The following ITSN1 variants were observed in gnomAD, a reference collection of about 807,000 sequenced individuals.
ITSN1 encodes intersectin-1.
A neutral mutation model predicts 239.8 loss-of-function variants in ITSN1; 58 were observed. The observed-to-expected ratio is 0.24, with a 90% confidence interval of 0.20 to 0.30. ITSN1 has a LOEUF of 0.30. ITSN1 is among the 10% of genes least tolerant of loss of function. The pLI, the probability that ITSN1 is intolerant of heterozygous loss-of-function variation, is 1.00. For missense variants in ITSN1, 1,558 were observed against 2,103.3 expected (o/e 0.74, Z 5.07); for synonymous variants, 780 against 770.8 (o/e 1.01, Z -0.20).
At chr21:33,711,377 C>A (rs2092410023) in intron 1 of ITSN1, among the ~76,000 whole-genome samples, 1 of 151,392 alleles carries the variant, frequency 6.6e-6, no homozygotes, top group East Asian at 1.9e-4. Flanking sequence ...CATTTTTATT[C>A]ATCCTGCCAT....
At chr21:33,818,178 G>T in intron 22 of ITSN1, 89 bp from the exon 23 acceptor site, 1 of 1,064,244 alleles carries the variant, frequency 9.4e-7, no homozygotes, top group Non-Finnish European at 1.4e-6. Flanking sequence ...TCTGGCCTGT[G>T]CTTGTTGGAG....
intron 1 of ITSN1, among the ~76,000 whole-genome samples, chr21:33,683,295 T>C (rs2091069746): frequency 6.6e-6 from 1 of 152,178 alleles, no homozygotes; most frequent in Non-Finnish European, 1.5e-5. Context: ...AATAAGTTGA[T>C]TTTAGTCCTA....
At chr21:33,756,802 T>A (rs897215905) in intron 8 of ITSN1, 3 of 152,188 alleles carry the variant, frequency 2.0e-5, no homozygotes, top group Non-Finnish European at 4.4e-5. Flanking sequence ...GCTTCACTCT[T>A]GTTGCCCAGG....
rs748255466 is a variant in ITSN1 at position 33,856,886 on chromosome 21, G to A, written c.3783+29G>A. 23 of 1,609,794 alleles carry A rather than the reference G, an allele frequency of 1.4e-5. No individual in the cohort carries two copies. In the African/African-American group the frequency reaches 1.6e-4, roughly 11 times the overall value. ...AGGGAGCTGGTGGGGCAGGGGGCACGGCAGGGGGCGATGACGGAGGGAGAG... is the reference window on the plus strand; with the variant it reads ...AGGGAGCTGGTGGGGCAGGGGGCACAGCAGGGGGCGATGACGGAGGGAGAG... On this transcript the variant is annotated intron_variant, in intron 30 of 39. Coordinates refer to ENST00000381318, the MANE Select transcript of ITSN1 (RefSeq NM_003024.3).
intron 1 of ITSN1, among the ~76,000 whole-genome samples, chr21:33,661,944 C>T (rs1375208224): frequency 1.3e-5 from 2 of 151,906 alleles, no homozygotes; most frequent in African/African-American, 4.8e-5. Flanking sequence ...AACTAATACA[C>T]GTAAGAATTT....
In ITSN1 at chr21:33,772,337, A is replaced by G; in HGVS notation, c.1305+14A>G. ...GAGAGGCGAGAGGTAAGCAGGCGAG[A>G]GTGGAGCCACCCGGAGTTAGTGTGC... On this transcript the variant is annotated intron_variant, in intron 12 of 39. Transcript: ENST00000381318. 1.9e-6 allele frequency: 3 copies of G among 1,550,748 alleles called. No homozygotes were observed. The highest frequency in any genetic ancestry group is 1.7e-6 in the Non-Finnish European group (2 of 1,146,718).
intron 33 of ITSN1, among the ~76,000 whole-genome samples, chr21:33,871,812 G>A (rs1372704359): frequency 6.6e-6 from 1 of 152,148 alleles, no homozygotes; most frequent in Non-Finnish European, 1.5e-5. Flanking sequence ...TGGAATAGCA[G>A]TGAAGAGCAC....
At position 33,896,232 on chromosome 21, in the gene ITSN1, A is replaced by C. The variant is rs908011631; in HGVS notation, c.*7932A>C. ...AGAGGGGGTTGCCGGTGGTGGCAGG[A>C]GCTCTGGGCTCCCAGTTCAGGATGG... On this transcript the variant is annotated 3_prime_UTR_variant, in exon 40 of 40. Transcript: ENST00000381318. The C allele has an allele frequency of 6.6e-6, 1 of 152,390 alleles. No homozygotes were observed. The allele number at this position is 152,390 out of a possible 1,614,324, so 9.4% of individuals were successfully genotyped here. A position where few individuals can be genotyped will look rare whatever the true frequency, so the allele number is the denominator to read the frequency against.
intron 1 of ITSN1, among the ~76,000 whole-genome samples, chr21:33,711,653 T>G (rs1568997424): frequency 1.9e-4 from 2 of 10,804 alleles, no homozygotes; most frequent in African/African-American, 1.2e-3. Context: ...TTCTGTGTGT[T>G]GTGTGTGTGT....
chr21:33,677,458 A>C (rs984975011), intron 1 of ITSN1, among the ~76,000 whole-genome samples: 1 of 151,536 alleles, frequency 6.6e-6, no homozygotes, highest in African/African-American at 2.4e-5. Context: ...TCTTGCCTCA[A>C]CCTCCCGAGT....
intron 27 of ITSN1, among the ~76,000 whole-genome samples, chr21:33,833,577 C>T (rs887078572): frequency 6.6e-6 from 1 of 152,218 alleles, no homozygotes; most frequent in Non-Finnish European, 1.5e-5. Context: ...ATAAAAAGTA[C>T]TCAGTGAGGG....
chr21:33,651,160 C>T (rs1404242798), intron 1 of ITSN1, among the ~76,000 whole-genome samples: 2 of 152,202 alleles, frequency 1.3e-5, no homozygotes, highest in African/African-American at 2.4e-5. Context: ...CCCGAGGGCT[C>T]TGAGCTGGTA....
intron 1 of ITSN1, among the ~76,000 whole-genome samples, chr21:33,699,091 A>AT (rs542116146): frequency 1.8e-4 from 28 of 151,412 alleles, no homozygotes; most frequent in Admixed American, 7.9e-4. Flanking sequence ...ATATCAGATA[A>AT]TTTTTTTTTA....
intron 1 of ITSN1, among the ~76,000 whole-genome samples, chr21:33,648,055 G>A (rs895036817): frequency 6.6e-6 from 1 of 152,048 alleles, no homozygotes; most frequent in Non-Finnish European, 1.5e-5. Context: ...TCTTACCATG[G>A]TATATCAGAC....
chr21:33,782,261 C>A, intron 16 of ITSN1, 128 bp downstream of exon 16: 1 of 901,062 alleles, frequency 1.1e-6, no homozygotes, highest in Non-Finnish European at 1.7e-6. Context: ...CTAAATTGCA[C>A]TTTTCTCCTT....
intron 34 of ITSN1, among the ~76,000 whole-genome samples, chr21:33,878,205 A>AT (rs1157757919): frequency 2.6e-5 from 4 of 151,132 alleles, no homozygotes; most frequent in South Asian, 2.1e-4. Context: ...TAATGATTCT[A>AT]TTTTTTTTGT....
intron 1 of ITSN1, among the ~76,000 whole-genome samples, chr21:33,662,122 C>T (rs1337626571): frequency 6.6e-6 from 1 of 152,180 alleles, no homozygotes; most frequent in Non-Finnish European, 1.5e-5. Context: ...TCTCTTCCAT[C>T]TGGATCTCAC....
intron 27 of ITSN1, among the ~76,000 whole-genome samples, chr21:33,831,473 A>G (rs757219860): frequency 6.6e-6 from 1 of 152,224 alleles, no homozygotes; most frequent in Non-Finnish European, 1.5e-5. Context: ...TTGTCTGCCC[A>G]TGAGCAGGAC....
chr21:33,734,321 C>G (rs530352369), intron 4 of ITSN1, among the ~76,000 whole-genome samples: 4 of 152,274 alleles, frequency 2.6e-5, no homozygotes, highest in African/African-American at 9.6e-5. Context: ...TGAGAAAATA[C>G]TTTACATTAA....
Sources: allele counts gnomAD v4.1 joint callset (sites outside exome capture counted in the v4.1 genomes callset), GRCh38; gene constraint gnomAD v4.1.1; transcripts MANE v1.5; gene names NCBI Gene and HGNC (gene_info 2026-07-23, HGNC 2026-07-21).